Variants in SBF2 observed in about 807,000 individuals in gnomAD.
SBF2 encodes SET binding factor 2.
Under a neutral mutation model 225.2 loss-of-function variants are expected in SBF2, and 112 were observed. That is an observed-to-expected ratio of 0.50 (90% CI 0.43 to 0.58). The LOEUF is 0.58. Among genes scored for constraint, SBF2 ranks in the 20% least tolerant of loss-of-function variants. The probability of loss-of-function intolerance (pLI) is 0.00; values close to 1 mark genes in which losing one functional copy is unlikely to be tolerated. For synonymous variants in SBF2, 763 were observed against 773.3 expected (o/e 0.99, Z 0.22); for missense variants, 1,996 against 2,206.2 (o/e 0.90, Z 1.91).
chr11:10,006,544 C>T (rs927685504), intron 6 of SBF2, among the ~76,000 whole-genome samples: 4 of 152,152 alleles, frequency 2.6e-5, no homozygotes, highest in Admixed American at 1.3e-4. Context: ...AGCACCCCTT[C>T]GGGAGGAGGG....
At chr11:10,066,255 T>C (rs914317586) in intron 2 of SBF2, among the ~76,000 whole-genome samples, 1 of 151,864 alleles carries the variant, frequency 6.6e-6, no homozygotes, top group Admixed American at 6.6e-5. Flanking sequence ...CAAAACTTGA[T>C]AAAGACATTA....
At chr11:10,218,451 C>G (rs548186007) in intron 1 of SBF2, among the ~76,000 whole-genome samples, 75 of 151,974 alleles carry the variant, frequency 4.9e-4, no homozygotes, top group African/African-American at 1.7e-3. Context: ...TCCACCCCGG[C>G]CCCTCCCAAA....
chr11:10,294,733 C>T (rs1413477183), upstream of SBF2, among the ~76,000 whole-genome samples: 1 of 152,256 alleles, frequency 6.6e-6, no homozygotes, highest in Non-Finnish European at 1.5e-5. Flanking sequence ...TCCAAGGAGC[C>T]TCGGGTTTCA....
chr11:10,151,808 AAT>A (rs1955206523), intron 2 of SBF2, among the ~76,000 whole-genome samples: 1 of 152,192 alleles, frequency 6.6e-6, no homozygotes, highest in African/African-American at 2.4e-5. Flanking sequence ...TTTATATTTA[AAT>A]AGGTCTATTG....
chr11:9,994,256 C>T (rs1024385044), intron 9 of SBF2, among the ~76,000 whole-genome samples: 14 of 151,866 alleles, frequency 9.2e-5, no homozygotes, highest in African/African-American at 7.3e-5. Context: ...AGGCAGATCA[C>T]GAGGTCAGGA....
At chr11:10,156,441 G>A (rs373516843) in intron 2 of SBF2, among the ~76,000 whole-genome samples, 56 of 152,308 alleles carry the variant, frequency 3.7e-4, no homozygotes, top group South Asian at 1.0e-3. Context: ...GCCGGTCCTC[G>A]GTGAAACCCC....
chr11:10,130,001 C>A (rs1167400888), intron 2 of SBF2, among the ~76,000 whole-genome samples: 3 of 151,940 alleles, frequency 2.0e-5, no homozygotes, highest in Non-Finnish European at 4.4e-5. Flanking sequence ...AAGAAGGAGA[C>A]CCCAATCTCA....
At chr11:10,257,342 G>A (rs965775842) in intron 1 of SBF2, among the ~76,000 whole-genome samples, 5 of 152,180 alleles carry the variant, frequency 3.3e-5, no homozygotes, top group Non-Finnish European at 7.3e-5. Flanking sequence ...ATATCATACA[G>A]TAAGAAAGTT....
intron 6 of SBF2, among the ~76,000 whole-genome samples, chr11:10,021,805 G>C (rs1948869993): frequency 6.6e-6 from 1 of 152,112 alleles, no homozygotes; most frequent in Non-Finnish European, 1.5e-5. Context: ...ATTGGCCTTT[G>C]ACAAAGTCCA....
intron 2 of SBF2, among the ~76,000 whole-genome samples, chr11:10,123,655 C>T (rs1591008926): frequency 6.6e-6 from 1 of 151,764 alleles, no homozygotes; most frequent in Non-Finnish European, 1.5e-5. Flanking sequence ...AATCTCTCTC[C>T]CCTAGTCTTG....
At position 9,905,219 on chromosome 11, in the gene SBF2, C is replaced by G. The variant is rs531405255; in HGVS notation, c.1861-9208G>C. On this transcript the variant is annotated intron_variant, in intron 16 of 39. Transcript: ENST00000256190. ...GCTAGGAAATGCTTAGCATATCACA[C>G]TCTATTGTGATTATCTATTTACTTG... is the stretch of plus-strand genomic sequence containing the variant. Among the ~76,000 whole-genome samples the G allele has an allele frequency of 2.6e-5, 4 of 152,228 alleles. No individual in the cohort carries two copies. The South Asian group carries it at 8.3e-4, about 32-fold the overall frequency.
At chr11:9,846,811 G>A (rs1163300818) in intron 23 of SBF2, 145 bp downstream of exon 23, 2 of 891,028 alleles carry the variant, frequency 2.2e-6, no homozygotes, top group African/African-American at 1.6e-5. Flanking sequence ...AGTTTACTCA[G>A]CTGATGACTA....
chr11:9,955,097 CTG>C (rs1485871796), intron 16 of SBF2, among the ~76,000 whole-genome samples: 4 of 151,910 alleles, frequency 2.6e-5, no homozygotes, highest in Non-Finnish European at 5.9e-5. Context: ...TTCTAAAAAA[CTG>C]AGGACTTTTT....
At chr11:10,102,787 T>C (rs1286284629) in intron 2 of SBF2, among the ~76,000 whole-genome samples, 1 of 152,210 alleles carries the variant, frequency 6.6e-6, no homozygotes, top group Non-Finnish European at 1.5e-5. Flanking sequence ...CAGGGTTTTC[T>C]TAGAAAATTT....
chr11:9,916,147 T>C (rs1358832044), intron 16 of SBF2, among the ~76,000 whole-genome samples: 4 of 152,142 alleles, frequency 2.6e-5, no homozygotes, highest in African/African-American at 9.7e-5. Flanking sequence ...TTTATAATAC[T>C]AGCAAAGATA....
At chr11:9,863,791 T>C (rs1857963037) in intron 17 of SBF2, among the ~76,000 whole-genome samples, 2 of 151,090 alleles carry the variant, frequency 1.3e-5, no homozygotes, top group African/African-American at 4.8e-5. Context: ...ATACAATACA[T>C]ACAAGTCCAC....
Position 10,294,181 on chromosome 11 carries a change from G to T in SBF2, c.-112C>A. The stretch of plus-strand genomic sequence containing the variant: ...CCCTGCAGCGGCAGTAGCGGCAGCG[G>T]CAGCGCTTCAGCCATGTTTGACAAC... On this transcript the variant is annotated 5_prime_UTR_variant, in exon 1 of 40. Coordinates refer to ENST00000256190, the MANE Select transcript of SBF2 (RefSeq NM_030962.4). 3.6e-6 allele frequency: 3 copies of T among 822,036 alleles called. No homozygotes were observed. The highest frequency in any genetic ancestry group is 4.9e-6 in the Non-Finnish European group (3 of 610,162). 50.9% of individuals were successfully genotyped at this position (822,036 alleles called of 1,614,324 possible). A position where few individuals can be genotyped will look rare whatever the true frequency, so the allele number is the denominator to read the frequency against.
At chr11:9,984,667 G>A (rs942408621) in intron 13 of SBF2, among the ~76,000 whole-genome samples, 2 of 152,166 alleles carry the variant, frequency 1.3e-5, no homozygotes, top group Admixed American at 1.3e-4. Context: ...AGAATCTTAA[G>A]AGCTATGAGA....
At chr11:9,882,500 T>C (rs907472508) in intron 17 of SBF2, among the ~76,000 whole-genome samples, 2 of 152,216 alleles carry the variant, frequency 1.3e-5, no homozygotes, top group African/African-American at 4.8e-5. Context: ...GTGAAACTTC[T>C]GATACAGTGC....
Sources: gnomAD v4.1 joint callset for allele counts (sites outside exome capture counted in the v4.1 genomes callset) on GRCh38, gnomAD v4.1.1 for gene constraint, MANE v1.5 for transcripts, NCBI Gene and HGNC (gene_info 2026-07-23, HGNC 2026-07-21) for gene names.